Variants in LRPPRC observed in about 807,000 individuals in gnomAD.
LRPPRC encodes leucine rich pentatricopeptide repeat containing.
In LRPPRC, 120 loss-of-function variants were observed where a neutral mutation model predicts 180.3. The observed-to-expected ratio is 0.67, with a 90% CI of 0.57 to 0.77. LRPPRC has a LOEUF of 0.77. Ranked by LOEUF, LRPPRC falls within the 30% of genes least tolerant of loss-of-function variation. The probability of loss-of-function intolerance (pLI) is 0.00; values close to 1 mark genes in which losing one functional copy is unlikely to be tolerated. For missense variants in LRPPRC, 2,012 were observed against 1,657.2 expected, an observed-to-expected ratio of 1.21 and a Z score of -3.72; for synonymous variants, 723 against 600.0, an observed-to-expected ratio of 1.21 and a Z score of -3.00.
chr2:43,957,337 G>A (rs1393714652), intron 14 of LRPPRC, 48 bp downstream of exon 14: 1 of 1,247,686 alleles, frequency 8.0e-7, no homozygotes, highest in East Asian at 2.3e-5. Context: ...AAGGACAGGA[G>A]AAATCAGTCC....
chr2:43,910,794 T>C (rs1429403679), intron 30 of LRPPRC, among the ~76,000 whole-genome samples: 1 of 152,078 alleles, frequency 6.6e-6, no homozygotes, highest in Non-Finnish European at 1.5e-5. Flanking sequence ...ATCACTGTTC[T>C]AGAAGAAACC....
intron 1 of LRPPRC, among the ~76,000 whole-genome samples, chr2:43,984,529 T>C (rs141918800): frequency 1.3e-5 from 2 of 152,334 alleles, no homozygotes; most frequent in African/African-American, 4.8e-5. Context: ...AGTAGAAACA[T>C]GAATCTATTA....
chr2:43,979,555 G>A (rs1432233597), intron 3 of LRPPRC, among the ~76,000 whole-genome samples: 1 of 152,052 alleles, frequency 6.6e-6, no homozygotes, highest in African/African-American at 2.4e-5. Flanking sequence ...AATGGTATGT[G>A]CATTTATAAC....
chr2:43,900,972 A>G (rs80288864), intron 32 of LRPPRC, among the ~76,000 whole-genome samples: 2,942 of 152,166 alleles, frequency 0.019, 96 homozygotes, highest in African/African-American at 0.067. Flanking sequence ...ACAATATTCT[A>G]CTAGTGTCCC....
Position 43,947,340 on chromosome 2 carries a change from A to T in LRPPRC, c.1996T>A (p.Ser666Thr). The T allele has an allele frequency of 6.2e-7, 1 of 1,600,438 alleles. No individual in the cohort carries two copies. Among genetic ancestry groups the T allele is most frequent in the East Asian group, 2.2e-5 (1 of 44,692 alleles). Residue 666 changes from serine to threonine, a missense_variant, in exon 20 of 38, where the codon TCC becomes ACC. By Grantham distance (58) the Ser-to-Thr change is moderately conservative. Transcript: ENST00000260665. Reference protein sequence around the residue: ...TVQLTSSELESTLETLKAENQ... With the variant: ...TVQLTSSELETTLETLKAENQ... The stretch of plus-strand genomic sequence containing the variant: ...TCAGCTTTTAGTGTTTCAAGTGTGG[A>T]CTCCAATTCAGATGATGTAAGTTGC...
intron 23 of LRPPRC, among the ~76,000 whole-genome samples, chr2:43,937,655 G>A (rs1672323924): frequency 1.3e-5 from 2 of 152,158 alleles, no homozygotes; most frequent in Admixed American, 6.5e-5. Flanking sequence ...TAGAAGTGGT[G>A]ATGAAAAGCA....
chr2:43,888,619 A>T lies in LRPPRC; in HGVS notation c.4166T>A (p.Leu1389Ter). 19 of 1,602,902 alleles carry T rather than the reference A, an allele frequency of 1.2e-5. No homozygotes were observed. Among genetic ancestry groups the T allele is most frequent in the Non-Finnish European group, 1.6e-5 (19 of 1,169,934 alleles). The part of the protein sequence containing the change: ...FEFYAQQLRK[L>*]RENSS ...GTTATTTCAAGAAGAGTTTTCCCTC[A>T]ATTTTCTTAGCTGCTGTGCATAAAA... The change falls in exon 38 of 38, where the codon TTG becomes TAG. Residue 1389 changes from leucine (L) to a stop codon, truncating the protein, a stop_gained. Coordinates refer to ENST00000260665, the MANE Select transcript of LRPPRC (RefSeq NM_133259.4). LOFTEE classifies it high-confidence loss of function.
intron 1 of LRPPRC, among the ~76,000 whole-genome samples, chr2:43,987,550 C>T (rs10865197): frequency 0.7 from 103,804 of 149,342 alleles, 37,595 homozygotes; most frequent in Middle Eastern, 0.79. Flanking sequence ...TGCAACCAAC[C>T]ATTCCACTAA....
At chr2:43,893,077 G>C (rs1329795117) in intron 36 of LRPPRC, among the ~76,000 whole-genome samples, 1 of 152,198 alleles carries the variant, frequency 6.6e-6, no homozygotes, top group Non-Finnish European at 1.5e-5. Context: ...AAGACAACTA[G>C]AAGGAGAAGT....
intron 36 of LRPPRC, chr2:43,892,819 A>C (rs1301512914): frequency 1.3e-5 from 2 of 152,118 alleles, no homozygotes; most frequent in African/African-American, 2.4e-5. Context: ...AAAAAAAAAA[A>C]CATGTTTCAT....
intron 3 of LRPPRC, 128 bp downstream of exon 3, chr2:43,979,698 C>A (rs1674217918): frequency 1.3e-6 from 1 of 763,556 alleles, no homozygotes; most frequent in Non-Finnish European, 2.2e-6. Context: ...TAAATATTAT[C>A]AAAAAATTAT....
At chr2:43,990,893 T>C (rs1674746066) in intron 1 of LRPPRC, among the ~76,000 whole-genome samples, 1 of 151,052 alleles carries the variant, frequency 6.6e-6, no homozygotes, top group East Asian at 1.9e-4. Context: ...TAGCCCAGGC[T>C]GGAGTGCAAT....
chr2:43,931,685 G>A (rs1204604781), intron 25 of LRPPRC, among the ~76,000 whole-genome samples: 4 of 151,700 alleles, frequency 2.6e-5, no homozygotes, highest in Non-Finnish European at 4.4e-5. Flanking sequence ...AAATGACGGA[G>A]AGAGACCTGA....
At position 43,969,396 on chromosome 2, in the gene LRPPRC, C is replaced by A. The variant is rs138705148; in HGVS notation, c.1369+4211G>T. Among the ~76,000 whole-genome samples, 121 of 147,156 alleles carry A rather than the reference C, an allele frequency of 8.2e-4. 1 individual carries two copies. The highest frequency in any genetic ancestry group is 2.7e-3 in the African/African-American group (105 of 39,042). ...CTGCACTCCAGCCTGGGCGACAGAG[C>A]GAGACTCCATCTCAAAAAAAAAAAA... On this transcript the variant is annotated intron_variant, in intron 11 of 37. Coordinates refer to ENST00000260665, the MANE Select transcript of LRPPRC (RefSeq NM_133259.4).
chr2:43,980,582 GAA>G (rs1027288078), intron 2 of LRPPRC, among the ~76,000 whole-genome samples: 16 of 116,594 alleles, frequency 1.4e-4, no homozygotes, highest in East Asian at 8.1e-4. Flanking sequence ...AAGAAAGAAA[GAA>G]AGAGAGAGAG....
chr2:43,979,148 G>A (rs1341359109), intron 3 of LRPPRC, among the ~76,000 whole-genome samples: 1 of 145,888 alleles, frequency 6.9e-6, no homozygotes, highest in Non-Finnish European at 1.5e-5. Context: ...TATGTTACAT[G>A]ACATAAAACT....
Position 43,977,262 on chromosome 2 carries a change from C to T in LRPPRC, c.484G>A (p.Val162Met). 1 of 1,600,246 alleles carries T rather than the reference C, an allele frequency of 6.2e-7. No individual in the cohort carries two copies. Reference protein sequence around the residue: ...TLQKLGAVYDVSHYNALLKVY... With the variant: ...TLQKLGAVYDMSHYNALLKVY... ...TTAAGTAAAGCATTATAGTGACTCA[C>T]ATCATACACAGCACCTACAAATGAA... Residue 162 changes from valine to methionine, a missense_variant, in exon 4 of 38, where the codon GTG becomes ATG. Transcript: ENST00000260665.
At chr2:43,959,188 C>G in intron 13 of LRPPRC, 1 of 716,268 alleles carries the variant, frequency 1.4e-6, no homozygotes, top group Non-Finnish European at 2.6e-6. Context: ...TCTGCTAATG[C>G]TTCTCTGTTT....
At chr2:43,961,929 C>T (rs1673363293) in intron 12 of LRPPRC, among the ~76,000 whole-genome samples, 1 of 152,142 alleles carries the variant, frequency 6.6e-6, no homozygotes, top group South Asian at 2.1e-4. Context: ...CACCACTGCA[C>T]TCTAGCCTGG....
Sources: allele counts gnomAD v4.1 joint callset (sites outside exome capture counted in the v4.1 genomes callset), GRCh38; gene constraint gnomAD v4.1.1; transcripts MANE v1.5; gene names NCBI Gene and HGNC (gene_info 2026-07-23, HGNC 2026-07-21).